NIPA2: variants seen among roughly 807,000 people sequenced by gnomAD.
The protein encoded by NIPA2 is magnesium transporter NIPA2.
In NIPA2, 11 loss-of-function variants were observed where a neutral mutation model predicts 29.7. The ratio of observed to expected loss-of-function variants is 0.37; its 90% confidence interval spans 0.23 to 0.61. NIPA2 has a LOEUF of 0.61. NIPA2 is among the 20% of genes least tolerant of loss of function. The pLI is 0.66. For missense variants in NIPA2, 426 were observed against 437.9 expected (o/e 0.97, Z 0.24); for synonymous variants, 183 against 161.9 (o/e 1.13, Z -0.99).
At chr15:22,862,055 T>C (rs1157903581) in intron 7 of NIPA2, among the ~76,000 whole-genome samples, 4 of 144,030 alleles carry the variant, frequency 2.8e-5, no homozygotes, top group Non-Finnish European at 6.1e-5. Context: ...CTCTCTTTTT[T>C]TTTTTTTTTG....
At chr15:22,858,264 A>G (rs1204184184) in intron 5 of NIPA2, among the ~76,000 whole-genome samples, 1 of 151,812 alleles carries the variant, frequency 6.6e-6, no homozygotes, top group Non-Finnish European at 1.5e-5. Flanking sequence ...CATAGTGGCG[A>G]GTGCCTGCGG....
chr15:22,839,358 C>G (rs893250803), intron 1 of NIPA2, among the ~76,000 whole-genome samples: 1 of 152,116 alleles, frequency 6.6e-6, no homozygotes, highest in South Asian at 2.1e-4. Flanking sequence ...GTTTGTGCCT[C>G]CTTAATTTCT....
At chr15:22,858,759 T>A in intron 6 of NIPA2, 129 bp downstream of exon 6, 1 of 502,012 alleles carries the variant, frequency 2.0e-6, no homozygotes, top group Non-Finnish European at 3.5e-6. Flanking sequence ...CTTTTTACAC[T>A]ACGTAGTAAT....
chr15:22,853,112 G>T lies in NIPA2; in HGVS notation c.140-100G>T, dbSNP rs11855246. The T allele has an allele frequency of 2.7e-3, 2,052 of 766,698 alleles. 34 individuals are homozygous for T. In the African/African-American group the frequency reaches 0.032, roughly 12 times the overall value. The allele number at this position is 766,698 out of a possible 1,614,324, so 47.5% of individuals were successfully genotyped here. A position where few individuals can be genotyped will look rare whatever the true frequency, so the allele number is the denominator to read the frequency against. ...GTCATGCAGAAACCTTTATTTAAAGGAGTAACTGAGATATTTAAAAATCTG... is the reference window on the plus strand; with the variant it reads ...GTCATGCAGAAACCTTTATTTAAAGTAGTAACTGAGATATTTAAAAATCTG... On this transcript the variant is annotated intron_variant, in intron 4 of 7. Transcript: ENST00000337451.
chr15:22,849,411 C>T lies in NIPA2; in HGVS notation c.-93-2228C>T, dbSNP rs149486418. 4.8e-3 allele frequency among the ~76,000 whole-genome samples: 722 copies of T among 151,648 alleles called. 5 individuals carry two copies. The highest frequency in any genetic ancestry group is 7.1e-3 in the Non-Finnish European group (485 of 68,024). Reference sequence around the variant, plus strand: ...ATGGAATCTTGCCTTATGAATGGCACAGAGGGACTAGGGGTACTTTTCCAA... The same window carrying T: ...ATGGAATCTTGCCTTATGAATGGCATAGAGGGACTAGGGGTACTTTTCCAA... On this transcript the variant is annotated intron_variant, in intron 3 of 7. Transcript: ENST00000337451.
chr15:22,839,098 C>T (rs1333274367), intron 1 of NIPA2, 177 bp downstream of exon 1: 1 of 152,132 alleles, frequency 6.6e-6, no homozygotes, highest in Non-Finnish European at 1.5e-5. Flanking sequence ...GCCGTTCAGT[C>T]CCACGGAAGC....
At chr15:22,860,365 C>A (rs1032968969) in intron 6 of NIPA2, among the ~76,000 whole-genome samples, 7 of 152,082 alleles carry the variant, frequency 4.6e-5, no homozygotes, top group African/African-American at 1.7e-4. Flanking sequence ...CAAATTTGTT[C>A]TTTATTATAA....
At chr15:22,853,350 G>T in intron 5 of NIPA2, 82 bp downstream of exon 5, 1 of 793,274 alleles carries the variant, frequency 1.3e-6, no homozygotes, top group Non-Finnish European at 2.0e-6. Context: ...CTCATTACTA[G>T]CAAGTTTTAA....
Position 22,860,093 on chromosome 15 carries a change from C to T in NIPA2, c.288-536C>T, listed in dbSNP as rs139875601. ...TCACCCAGGCTGGAGTGCAGTGGCG[C>T]GATGTCAGCTCGCTGCAACCTCTGC... On this transcript the variant is annotated intron_variant, in intron 6 of 7. Transcript: ENST00000337451. 9.4e-3 allele frequency among the ~76,000 whole-genome samples: 1,405 copies of T among 150,040 alleles called. 22 individuals carry two copies. The highest frequency in any genetic ancestry group is 0.032 in the African/African-American group (1,322 of 40,686).
At chr15:22,851,908 T>C (rs759057238) in intron 4 of NIPA2, 38 bp downstream of exon 4, 2 of 1,579,736 alleles carry the variant, frequency 1.3e-6, no homozygotes, top group Admixed American at 1.8e-5. Context: ...GTGACCTCAG[T>C]GTCTACCTAC....
At position 22,860,724 on chromosome 15, in the gene NIPA2, T is replaced by C; in HGVS notation, c.383T>C (p.Ile128Thr). The change falls in exon 7 of 8, where the codon ATT becomes ACT. Residue 128 changes from isoleucine to threonine, a missense_variant. By Grantham distance (89) the Ile-to-Thr change is moderately conservative (BLOSUM62 -1). Around this residue, in one of 3 missense-constraint regions of NIPA2, gnomAD observed 357 missense variants for 339.8 expected, o/e 1.05. Coordinates refer to ENST00000337451, the MANE Select transcript of NIPA2 (RefSeq NM_030922.7). ...LSILGSTVMV[I>T]HAPKEEEIET... ...ATTCTAGGATCTACAGTTATGGTCA[T>C]TCATGCTCCAAAGGAAGAGGAGATT... The C allele has an allele frequency of 6.2e-7, 1 of 1,604,690 alleles. No individual in the cohort carries two copies. The highest frequency in any genetic ancestry group is 8.5e-7 in the Non-Finnish European group (1 of 1,176,314).
intron 7 of NIPA2, among the ~76,000 whole-genome samples, chr15:22,864,037 A>AT (rs952024847): frequency 8.6e-5 from 13 of 151,634 alleles, no homozygotes; most frequent in African/African-American, 1.2e-4. Flanking sequence ...GATATTAGTA[A>AT]TTTTTTTGTT....
chr15:22,862,344 G>C (rs1336662096), intron 7 of NIPA2, among the ~76,000 whole-genome samples: 8 of 152,002 alleles, frequency 5.3e-5, no homozygotes, highest in Non-Finnish European at 1.2e-4. Flanking sequence ...TACTGTGCCT[G>C]GCCTGATCTG....
At chr15:22,865,443 A>G (rs1281826151) in intron 7 of NIPA2, among the ~76,000 whole-genome samples, 13 of 151,718 alleles carry the variant, frequency 8.6e-5, no homozygotes, top group East Asian at 3.9e-4. Flanking sequence ...CCGAGATCGC[A>G]CCACTGCACT....
chr15:22,843,379 G>A (rs576300498), intron 2 of NIPA2, among the ~76,000 whole-genome samples: 1 of 151,424 alleles, frequency 6.6e-6, no homozygotes, highest in Non-Finnish European at 1.5e-5. Context: ...GGTGGTGGGT[G>A]CCTGTAGTCC....
chr15:22,865,107 C>T (rs1214675770), intron 7 of NIPA2, among the ~76,000 whole-genome samples: 2 of 151,980 alleles, frequency 1.3e-5, no homozygotes, highest in African/African-American at 4.8e-5. Context: ...GGTGATCTGC[C>T]ATCCTCGGCC....
intron 3 of NIPA2, among the ~76,000 whole-genome samples, chr15:22,846,045 C>T (rs1366293266): frequency 2.6e-5 from 4 of 152,114 alleles, no homozygotes; most frequent in African/African-American, 9.7e-5. Context: ...ACCTCTTCAC[C>T]TTGTCAGTGA....
rs370086331 is a variant in NIPA2, at chr15:22,866,265, C to T, written c.501C>T (p.Phe167=). The change falls in exon 8 of 8, where the codon TTC becomes TTT. Residue 167 remains phenylalanine (F), a synonymous_variant. Transcript: ENST00000337451. ...TCATTGTGGCCTTGATATTAATCTT[C>T]GTGGTGGGTCCTCGCCATGGACAGA... ...LVVIVALILI[F]VVGPRHGQTN... 9.3e-6 allele frequency: 15 copies of T among 1,613,810 alleles called. No individual in the cohort carries two copies. In the East Asian group the frequency reaches 1.3e-4, roughly 14 times the overall value.
intron 5 of NIPA2, among the ~76,000 whole-genome samples, chr15:22,853,476 C>G (rs529589284): frequency 6.6e-6 from 1 of 150,852 alleles, no homozygotes; most frequent in African/African-American, 2.4e-5. Flanking sequence ...TGGATTCAAG[C>G]GATTCTCCTG....
Sources: allele counts gnomAD v4.1 joint callset (sites outside exome capture counted in the v4.1 genomes callset), GRCh38; gene constraint gnomAD v4.1.1; regional missense constraint gnomAD v4.1.1; transcripts MANE v1.5; gene names NCBI Gene and HGNC (gene_info 2026-07-23, HGNC 2026-07-21).